Variants in ANKS1A observed in about 807,000 individuals in gnomAD.
ANKS1A encodes ankyrin repeat and SAM domain-containing protein 1A.
ANKS1A carries 55 observed loss-of-function variants against 120.3 expected under a neutral mutation model. That is an observed-to-expected ratio of 0.46 (90% CI 0.37 to 0.57). ANKS1A has a LOEUF of 0.57. Ranked by LOEUF, ANKS1A falls within the 20% of genes least tolerant of loss-of-function variation. The probability of loss-of-function intolerance (pLI) is 0.00; values close to 1 mark genes in which losing one functional copy is unlikely to be tolerated. For synonymous variants in ANKS1A, 590 were observed against 604.7 expected, an observed-to-expected ratio of 0.98 and a Z score of 0.36; for missense variants, 1,123 against 1,480.3, an observed-to-expected ratio of 0.76 and a Z score of 3.96.
At position 35,090,084 on chromosome 6, in the gene ANKS1A, T is replaced by C; in HGVS notation, c.*1475T>C. ...CTGACTGGCTAGAGGCCAGGCCTTG[T>C]GGGTTTCTATCTGCTAAGCACCCAG... On this transcript the variant is annotated 3_prime_UTR_variant, in exon 24 of 24. Coordinates refer to ENST00000360359, the MANE Select transcript of ANKS1A (RefSeq NM_015245.3). 1 of 1,284,832 alleles carries C rather than the reference T, an allele frequency of 7.8e-7. No individual in the cohort carries two copies. Among genetic ancestry groups the C allele is most frequent in the Non-Finnish European group, 1.0e-6 (1 of 985,906 alleles). The allele number at this position is 1,284,832 out of a possible 1,614,324, so 79.6% of individuals were successfully genotyped here. A position where few individuals can be genotyped will look rare whatever the true frequency, so the allele number is the denominator to read the frequency against.
At chr6:35,063,921 T>A (rs760303524) in intron 13 of ANKS1A, among the ~76,000 whole-genome samples, 1 of 152,206 alleles carries the variant, frequency 6.6e-6, no homozygotes, top group Non-Finnish European at 1.5e-5. Context: ...CTCGAACCTC[T>A]GGGTTCTGCT....
chr6:35,090,336 G>GGA lies in ANKS1A; in HGVS notation c.*1727_*1728insGA. On this transcript the variant is annotated 3_prime_UTR_variant, in exon 24 of 24. Transcript: ENST00000360359. ...ATCCAGAGTAGACTGCGCTGCCACT[G>GGA]CGCACATGCTGGTGCCCGTCTTCCT... is the stretch of plus-strand genomic sequence containing the variant. 1 of 1,278,426 alleles carries GGA rather than the reference G, an allele frequency of 7.8e-7. No homozygotes were observed. Among genetic ancestry groups the GGA allele is most frequent in the Non-Finnish European group, 1.0e-6 (1 of 980,822 alleles). The allele number at this position is 1,278,426 out of a possible 1,614,324, so 79.2% of individuals were successfully genotyped here.
chr6:34,991,651 T>C (rs557960078), intron 9 of ANKS1A, among the ~76,000 whole-genome samples: 1 of 126,340 alleles, frequency 7.9e-6, no homozygotes, highest in African/African-American at 2.6e-5. Context: ...TACACACACA[T>C]ATATATACAC....
At position 34,889,969 on chromosome 6, in the gene ANKS1A, C is replaced by T. The variant is rs932774838; in HGVS notation, c.197+370C>T. 3.3e-5 allele frequency among the ~76,000 whole-genome samples: 5 copies of T among 152,102 alleles called. No homozygotes were observed. The highest frequency in any genetic ancestry group is 4.8e-5 in the African/African-American group (2 of 41,398). ...TCTTATATATATATATATGAGATCTCCCTCACCTCCTGCAGAAACTCCTAC... is the reference window on the plus strand; with the variant it reads ...TCTTATATATATATATATGAGATCTTCCTCACCTCCTGCAGAAACTCCTAC... On this transcript the variant is annotated intron_variant, in intron 1 of 23. Transcript: ENST00000360359. The surrounding 1 kb of genome is among the most constrained non-coding windows in gnomAD (Gnocchi z 5.5).
chr6:34,925,659 T>A (rs1768680357), intron 1 of ANKS1A, among the ~76,000 whole-genome samples: 3 of 152,050 alleles, frequency 2.0e-5, no homozygotes, highest in South Asian at 2.1e-4. Flanking sequence ...GAGGGAAAAA[T>A]AGTTTTAGCC....
At chr6:35,081,301 G>A (rs12154189) in intron 17 of ANKS1A, 143 bp downstream of exon 17, 30 of 1,158,396 alleles carry the variant, frequency 2.6e-5, no homozygotes, top group South Asian at 2.0e-4. Flanking sequence ...TGCTCTGCTC[G>A]CCCACACCCA....
chr6:34,893,463 A>G (rs1039208530), intron 1 of ANKS1A, among the ~76,000 whole-genome samples: 1 of 152,058 alleles, frequency 6.6e-6, no homozygotes, highest in Non-Finnish European at 1.5e-5. Context: ...GTGTTTTTTC[A>G]TGCTTGGGGA....
chr6:35,095,890 T>C (rs1470317108), downstream of ANKS1A, among the ~76,000 whole-genome samples: 2 of 152,234 alleles, frequency 1.3e-5, no homozygotes, highest in Admixed American at 6.5e-5. Context: ...AAAACAATTA[T>C]GTAATCCTCA....
At chr6:34,989,147 G>T in intron 8 of ANKS1A, 77 bp from the exon 9 acceptor site, 1 of 1,370,512 alleles carries the variant, frequency 7.3e-7, no homozygotes, top group Non-Finnish European at 1.0e-6. Flanking sequence ...ATTTCTAAGG[G>T]CTAAGATGAG....
At chr6:34,894,829 A>G (rs963515299) in intron 1 of ANKS1A, among the ~76,000 whole-genome samples, 5 of 152,206 alleles carry the variant, frequency 3.3e-5, no homozygotes, top group African/African-American at 4.8e-5. Context: ...TGAGGAGATT[A>G]TGTTATGGTT....
At chr6:34,964,115 C>G (rs1165578010) in intron 1 of ANKS1A, among the ~76,000 whole-genome samples, 3 of 152,156 alleles carry the variant, frequency 2.0e-5, no homozygotes, top group Non-Finnish European at 4.4e-5. Flanking sequence ...CAGAATCCCA[C>G]TTTTTCTACT....
At chr6:34,896,037 A>T (rs1191127153) in intron 1 of ANKS1A, among the ~76,000 whole-genome samples, 1 of 150,038 alleles carries the variant, frequency 6.7e-6, no homozygotes, top group Non-Finnish European at 1.5e-5. Context: ...TGCTAGGATT[A>T]CAGGCGTTAG....
chr6:34,934,262 C>T lies in ANKS1A; in HGVS notation c.198-32977C>T, dbSNP rs28675041. 7.6e-3 allele frequency among the ~76,000 whole-genome samples: 1,152 copies of T among 152,292 alleles called. 21 individuals carry two copies. Among genetic ancestry groups the T allele is most frequent in the African/African-American group, 0.025 (1,054 of 41,556 alleles). On this transcript the variant is annotated intron_variant, in intron 1 of 23. Transcript: ENST00000360359. Reference sequence around the variant, plus strand: ...TCCCGGGTTCACGCCATTCTCCTGCCTCAGCCTCCGGAGCAGCTGGGACTA... The same window carrying T: ...TCCCGGGTTCACGCCATTCTCCTGCTTCAGCCTCCGGAGCAGCTGGGACTA...
Position 35,083,199 on chromosome 6 carries a change from C to G in ANKS1A, c.2880C>G (p.Ser960=). 6.2e-7 allele frequency: 1 copy of G among 1,614,126 alleles called. No individual in the cohort carries two copies. The highest frequency in any genetic ancestry group is 1.7e-5 in the Admixed American group (1 of 60,032). ...TCAAAGATCTGCGAGGGACAGAATCCACGCAAGACGCCTGTGCCAAGATGC... is the reference window on the plus strand; with the variant it reads ...TCAAAGATCTGCGAGGGACAGAATCGACGCAAGACGCCTGTGCCAAGATGC... ...MLIKDLRGTE[S]TQDACAKMRK... The change falls in exon 19 of 24, where the codon TCC becomes TCG. Residue 960 remains serine, a synonymous_variant. Transcript: ENST00000360359.
chr6:35,017,681 G>C lies in ANKS1A; in HGVS notation c.1632G>C (p.Leu544=), dbSNP rs1319235152. Residue 544 remains leucine (L), a synonymous_variant, in exon 11 of 24, where the codon CTG becomes CTC. Coordinates refer to ENST00000360359, the MANE Select transcript of ANKS1A (RefSeq NM_015245.3). Reference sequence around the variant, plus strand: ...CCTGCCACAAGGCCAGCATGCAGCTGGAGGAGACGGGTGTGCATGCTCCTG... The same window carrying C: ...CCTGCCACAAGGCCAGCATGCAGCTCGAGGAGACGGGTGTGCATGCTCCTG... ...QGACHKASMQ[L]EETGVHAPGA... is the part of the protein sequence containing the mutation. The C allele has an allele frequency of 6.2e-7, 1 of 1,614,046 alleles. No homozygotes were observed. The highest frequency in any genetic ancestry group is 1.7e-5 in the Admixed American group (1 of 60,024).
chr6:35,039,779 C>T, intron 11 of ANKS1A: 1 of 351,460 alleles, frequency 2.8e-6, no homozygotes, highest in Admixed American at 3.6e-5. Flanking sequence ...CCTCGAGAGG[C>T]CTAAGTCATG....
intron 1 of ANKS1A, among the ~76,000 whole-genome samples, chr6:34,905,087 A>G (rs940709051): frequency 6.6e-6 from 1 of 152,368 alleles, no homozygotes; most frequent in Admixed American, 6.5e-5. Flanking sequence ...CTGGGATTAT[A>G]GGCGGGAGCC....
intron 1 of ANKS1A, among the ~76,000 whole-genome samples, chr6:34,893,930 A>G (rs934216182): frequency 2.0e-5 from 3 of 152,234 alleles, no homozygotes; most frequent in Non-Finnish European, 4.4e-5. Context: ...GAAAGAAGAA[A>G]AAAAATATAG....
chr6:34,985,015 T>A (rs902161147), intron 7 of ANKS1A, 67 bp from the exon 8 acceptor site: 1 of 1,491,566 alleles, frequency 6.7e-7, no homozygotes, highest in African/African-American at 1.4e-5. Context: ...TTTGGGTTGC[T>A]GCAGTGGTTG....
Sources: allele counts gnomAD v4.1 joint callset (sites outside exome capture counted in the v4.1 genomes callset), GRCh38; gene constraint gnomAD v4.1.1; non-coding constraint Gnocchi (gnomAD v3.1); transcripts MANE v1.5; gene names NCBI Gene and HGNC (gene_info 2026-07-23, HGNC 2026-07-21).